The following RET variants were observed in gnomAD, a reference collection of about 807,000 sequenced individuals.
RET encodes ret proto-oncogene.
In RET, 19 loss-of-function variants were observed where a neutral mutation model predicts 118.3. That is an observed-to-expected ratio of 0.16 (90% CI 0.11 to 0.24). RET has a LOEUF of 0.24. Ranked by LOEUF, RET falls within the 10% of genes least tolerant of loss-of-function variation. The probability of loss-of-function intolerance (pLI) is 1.00; values close to 1 mark genes in which losing one functional copy is unlikely to be tolerated. For synonymous variants in RET, 597 were observed against 644.1 expected, an observed-to-expected ratio of 0.93 and a Z score of 1.11; for missense variants, 1,219 against 1,502.1, an observed-to-expected ratio of 0.81 and a Z score of 3.12.
Position 43,077,121 on chromosome 10 carries a change from C to G in RET, c.-138C>G, listed in dbSNP as rs1483516506. 8.3e-7 allele frequency: 1 copy of G among 1,208,202 alleles called. No individual in the cohort carries two copies. Among genetic ancestry groups the G allele is most frequent in the Admixed American group, 4.3e-5 (1 of 23,296 alleles). The allele number at this position is 1,208,202 out of a possible 1,614,324, so 74.8% of individuals were successfully genotyped here. ...GCAGCGCTGAGTGCCCCGGAACGTG[C>G]GTCGCGCCCCCAGTGTCCGTCGCGT... On this transcript the variant is annotated 5_prime_UTR_variant, in exon 1 of 20. Coordinates refer to ENST00000355710, the MANE Select transcript of RET (RefSeq NM_020975.6).
At chr10:43,119,854 T>C (rs1349047074) in intron 14 of RET, 109 bp downstream of exon 14, 2 of 1,321,320 alleles carry the variant, frequency 1.5e-6, no homozygotes, top group African/African-American at 3.1e-5. Flanking sequence ...CATGCCACAC[T>C]CTAGCCCACC....
At chr10:43,116,008 G>C (rs1838061701) in intron 11 of RET, among the ~76,000 whole-genome samples, 1 of 152,216 alleles carries the variant, frequency 6.6e-6, no homozygotes, top group African/African-American at 2.4e-5. Context: ...CCTGGTCAGA[G>C]TTCAAGTACT....
rs145954635 is a variant in RET at position 43,129,868 on chromosome 10, G to A, written c.*1599G>A. 1.1e-3 allele frequency: 457 copies of A among 398,178 alleles called. 1 individual carries two copies. The highest frequency in any genetic ancestry group is 8.4e-3 in the African/African-American group (410 of 48,730). 24.7% of individuals were successfully genotyped at this position (398,178 alleles called of 1,614,324 possible). On this transcript the variant is annotated 3_prime_UTR_variant, in exon 20 of 20. Transcript: ENST00000355710. ...ATTTGGGCTGTTTTTCAGATACACTGTGATAAGTTCTTTTACAAATATCTA... is the reference window on the plus strand; with the variant it reads ...ATTTGGGCTGTTTTTCAGATACACTATGATAAGTTCTTTTACAAATATCTA...
rs2132839268 is a variant in RET at position 43,114,251 on chromosome 10, G to C, written c.1880-229G>C. On this transcript the variant is annotated intron_variant, in intron 10 of 19. Transcript: ENST00000355710. This position sits in a 1 kb window ranked among gnomAD's most constrained non-coding sequence, Gnocchi z 4.6. ...CCTTGGCAGGCTGCTCAGCCTCTCTGAGCCTCTGTCTCCATCTGTAAGAGG... is the reference window on the plus strand; with the variant it reads ...CCTTGGCAGGCTGCTCAGCCTCTCTCAGCCTCTGTCTCCATCTGTAAGAGG... Among the ~76,000 whole-genome samples, 1 of 152,296 alleles carries C rather than the reference G, an allele frequency of 6.6e-6. No homozygotes were observed. The highest frequency in any genetic ancestry group is 2.1e-4 in the South Asian group (1 of 4,826).
chr10:43,123,284 G>A (rs1390166851), intron 16 of RET, among the ~76,000 whole-genome samples: 2 of 152,150 alleles, frequency 1.3e-5, no homozygotes, highest in Non-Finnish European at 2.9e-5. Context: ...CTCTGAGTCT[G>A]GTGGCCTGCA....
Position 43,114,508 on chromosome 10 carries a change from G to A in RET, c.1908G>A (p.Thr636=), listed in dbSNP as rs886038663. 2.7e-5 allele frequency: 43 copies of A among 1,608,250 alleles called. No individual in the cohort carries two copies. In the Middle Eastern group the frequency reaches 6.6e-4, roughly 25 times the overall value. The part of the protein sequence containing the change: ...QDPLCDELCR[T]VIAAAVLFSF... ...CACTGTGCGACGAGCTGTGCCGCAC[G>A]GTGATCGCAGCCGCTGTCCTCTTCT... The change falls in exon 11 of 20, where the codon ACG becomes ACA. Residue 636 remains threonine, a synonymous_variant. Coordinates refer to ENST00000355710, the MANE Select transcript of RET (RefSeq NM_020975.6). The surrounding 1 kb of genome is among the most constrained non-coding windows in gnomAD (Gnocchi z 4.6).
At position 43,112,220 on chromosome 10, in the gene RET, C is replaced by G. The variant is rs1564494968; in HGVS notation, c.1644C>G (p.Gly548=). The change falls in exon 8 of 20, where the codon GGC becomes GGG. Residue 548 remains glycine (G), a synonymous_variant. Transcript: ENST00000355710. ...TGRCEWRQGD[G]KGITRNFSTC... ...GGTGTGAGTGGAGGCAAGGAGATGG[C>G]AAAGGTAAGCCCTGGAAACGCCCAA... 1 of 1,553,630 alleles carries G rather than the reference C, an allele frequency of 6.4e-7. No homozygotes were observed. Among genetic ancestry groups the G allele is most frequent in the Non-Finnish European group, 8.7e-7 (1 of 1,148,008 alleles).
rs768699100 is a variant in RET at position 43,128,128 on chromosome 10, C to G, written c.3204C>G (p.Asn1068Lys). The G allele has an allele frequency of 1.2e-6, 2 of 1,614,200 alleles. No homozygotes were observed. Among genetic ancestry groups the G allele is most frequent in the Non-Finnish European group, 1.7e-6 (2 of 1,180,042 alleles). The change falls in exon 20 of 20, where the codon AAC becomes AAG. Residue 1068 changes from asparagine to lysine, a missense_variant. Transcript: ENST00000355710. ...ENKLYGMSDP[N>K]WPGESPVPLT... ...CATTTTTAGGCATGTCAGACCCGAA[C>G]TGGCCTGGAGAGAGTCCTGTACCAC...
At chr10:43,111,808 T>A (rs140066974) in intron 7 of RET, among the ~76,000 whole-genome samples, 117 of 152,352 alleles carry the variant, frequency 7.7e-4, no homozygotes, top group Non-Finnish European at 1.1e-3. Context: ...TCATTGTGTA[T>A]CTGAAATGTA....
At chr10:43,109,883 T>A (rs958825540) in intron 6 of RET, among the ~76,000 whole-genome samples, 4 of 152,264 alleles carry the variant, frequency 2.6e-5, no homozygotes, top group African/African-American at 7.2e-5. Flanking sequence ...CTTTCTGGGA[T>A]GTTTCTCGTA....
chr10:43,110,693 T>C (rs1461983488), intron 6 of RET, among the ~76,000 whole-genome samples: 1 of 152,002 alleles, frequency 6.6e-6, no homozygotes, highest in Non-Finnish European at 1.5e-5. Flanking sequence ...GCAACCATGC[T>C]CCCGAGTCTT....
At chr10:43,111,014 G>A (rs997519630) in intron 6 of RET, among the ~76,000 whole-genome samples, 193 bp from the exon 7 acceptor site, 3 of 151,960 alleles carry the variant, frequency 2.0e-5, no homozygotes, top group Non-Finnish European at 4.4e-5. Flanking sequence ...GTGGAACGGG[G>A]CAGGGCAGGG....
At chr10:43,079,663 G>A (rs1837134941) in intron 1 of RET, among the ~76,000 whole-genome samples, 1 of 152,142 alleles carries the variant, frequency 6.6e-6, no homozygotes, top group Admixed American at 6.5e-5. Context: ...TTTGCAGCAA[G>A]GAAGGACATT....
chr10:43,085,000 A>T (rs1484192056), intron 1 of RET, among the ~76,000 whole-genome samples: 2 of 152,128 alleles, frequency 1.3e-5, no homozygotes, highest in African/African-American at 4.8e-5. Context: ...CTGTAAGTTG[A>T]TTATCATCAT....
At chr10:43,121,642 T>C (rs1838219629) in intron 15 of RET, among the ~76,000 whole-genome samples, 1 of 152,004 alleles carries the variant, frequency 6.6e-6, no homozygotes, top group Non-Finnish European at 1.5e-5. Context: ...GCAGGGGGAG[T>C]TCCAGGCCCA....
rs1383893161 is a variant in RET at position 43,124,865 on chromosome 10, G to A, written c.2940-18G>A. ...GGCCCTGCTTGGATCATATTGGCCT[G>A]TCTGCTCTTCCCACCAGGTACCGCC... On this transcript the variant is annotated intron_variant, in intron 17 of 19. Transcript: ENST00000355710. The A allele has an allele frequency of 1.2e-6, 2 of 1,613,064 alleles. No individual in the cohort carries two copies. The highest frequency in any genetic ancestry group is 1.7e-6 in the Non-Finnish European group (2 of 1,179,656).
rs574902721 is a variant in RET, at chr10:43,110,064, C to T, written c.1263+834C>T. 1.5e-4 allele frequency among the ~76,000 whole-genome samples: 23 copies of T among 152,278 alleles called. 1 individual carries two copies. In the South Asian group the frequency reaches 4.8e-3, roughly 32 times the overall value. ...CACCCGTGTCCAGCCCACGAGGGAGCCCACCCTTGGACATATCTAAGCTCC... is the reference window on the plus strand; with the variant it reads ...CACCCGTGTCCAGCCCACGAGGGAGTCCACCCTTGGACATATCTAAGCTCC... On this transcript the variant is annotated intron_variant, in intron 6 of 19. Coordinates refer to ENST00000355710, the MANE Select transcript of RET (RefSeq NM_020975.6).
At chr10:43,117,640 G>T (rs916301341) in intron 12 of RET, among the ~76,000 whole-genome samples, 1 of 152,244 alleles carries the variant, frequency 6.6e-6, no homozygotes, top group Non-Finnish European at 1.5e-5. Flanking sequence ...GGGCATTCCA[G>T]CACAGCTCTG....
chr10:43,111,616 A>T (rs2132782646), intron 7 of RET, 151 bp downstream of exon 7: 1 of 866,720 alleles, frequency 1.2e-6, no homozygotes, highest in Non-Finnish European at 1.7e-6. Flanking sequence ...ACCCAGCAGT[A>T]AATGGTTGCT....
Sources: gnomAD v4.1 joint callset for allele counts (sites outside exome capture counted in the v4.1 genomes callset) on GRCh38, gnomAD v4.1.1 for gene constraint, Gnocchi (gnomAD v3.1) non-coding constraint, MANE v1.5 for transcripts, NCBI Gene and HGNC (gene_info 2026-07-23, HGNC 2026-07-21) for gene names.